Variants in EXOC2 observed in about 807,000 individuals in gnomAD.
The protein encoded by EXOC2 is exocyst complex component 2.
Under a neutral mutation model 131.8 loss-of-function variants are expected in EXOC2, and 70 were observed. The observed-to-expected ratio is 0.53, with a 90% confidence interval of 0.44 to 0.65. The LOEUF (loss-of-function observed/expected upper bound fraction) is 0.65. Ranked by LOEUF, EXOC2 falls within the 30% of genes least tolerant of loss-of-function variation. The pLI is 0.00. For missense variants in EXOC2, 923 were observed against 1,108.6 expected (o/e 0.83, Z 2.38); for synonymous variants, 411 against 398.4 (o/e 1.03, Z -0.38).
intron 13 of EXOC2, among the ~76,000 whole-genome samples, chr6:570,029 A>G (rs1428509251): frequency 6.6e-6 from 1 of 152,236 alleles, no homozygotes; most frequent in Non-Finnish European, 1.5e-5. Flanking sequence ...ACTACTGTCC[A>G]TGTGTGGTGG....
intron 21 of EXOC2, among the ~76,000 whole-genome samples, chr6:549,592 A>T (rs572733983): frequency 5.2e-5 from 8 of 152,382 alleles, no homozygotes; most frequent in African/African-American, 1.9e-4. Context: ...ATCAGCTGGG[A>T]ACTGGGATCA....
intron 11 of EXOC2, among the ~76,000 whole-genome samples, chr6:586,447 T>A (rs762154771): frequency 6.6e-6 from 1 of 152,214 alleles, no homozygotes; most frequent in Non-Finnish European, 1.5e-5. Context: ...TTTATTTACA[T>A]TGCACATATA....
At chr6:637,391 G>A (rs1762151265) in intron 2 of EXOC2, among the ~76,000 whole-genome samples, 1 of 152,158 alleles carries the variant, frequency 6.6e-6, no homozygotes, top group African/African-American at 2.4e-5. Flanking sequence ...AAACTAATGA[G>A]AGCAAAACTA....
chr6:623,727 C>G (rs1399069979), intron 4 of EXOC2, among the ~76,000 whole-genome samples: 1 of 152,194 alleles, frequency 6.6e-6, no homozygotes, highest in African/African-American at 2.4e-5. Flanking sequence ...TGTCATATTC[C>G]CCCTGCTCTT....
At chr6:547,658 A>G in intron 22 of EXOC2, among the ~76,000 whole-genome samples, 1 of 152,230 alleles carries the variant, frequency 6.6e-6, no homozygotes, top group Non-Finnish European at 1.5e-5. Flanking sequence ...AATCAGTGCA[A>G]ATGTTATCAT....
At chr6:554,590 A>G (rs1477188997) in intron 20 of EXOC2, among the ~76,000 whole-genome samples, 1 of 152,234 alleles carries the variant, frequency 6.6e-6, no homozygotes, top group Non-Finnish European at 1.5e-5. Flanking sequence ...CAAAACCAGT[A>G]AATAGACAAA....
rs1357029788 is a variant in EXOC2, at chr6:637,812, G to A, written c.7C>T (p.Arg3Ter). MS[R>*]SRQPPLVTGI... Reference sequence around the variant, plus strand: ...GTCACAAGGGGGGGTTGTCGTGATCGAGACATTGTGCTTTGTGGAGCAAAC... The same window carrying A: ...GTCACAAGGGGGGGTTGTCGTGATCAAGACATTGTGCTTTGTGGAGCAAAC... Residue 3 changes from arginine (R) to a stop codon, truncating the protein, a stop_gained, in exon 2 of 28, where the codon CGA (arginine) becomes TGA (stop). Transcript: ENST00000230449. LOFTEE classifies it high-confidence loss of function. 2.5e-6 allele frequency: 4 copies of A among 1,613,528 alleles called. No individual in the cohort carries two copies. The highest frequency in any genetic ancestry group is 2.2e-5 in the East Asian group (1 of 44,856).
chr6:661,681 C>G (rs2127761312), intron 1 of EXOC2, among the ~76,000 whole-genome samples: 1 of 152,254 alleles, frequency 6.6e-6, no homozygotes, highest in East Asian at 1.9e-4. Context: ...CAAAACAGAA[C>G]CTCTTTAAAG....
At chr6:592,770 A>G (rs779495110) in intron 10 of EXOC2, among the ~76,000 whole-genome samples, 183 bp from the exon 11 acceptor site, 9 of 152,228 alleles carry the variant, frequency 5.9e-5, no homozygotes, top group Non-Finnish European at 1.2e-4. Context: ...TCCTGCCTGT[A>G]ATCCCAGCAC....
At chr6:605,252 C>A (rs904955237) in intron 7 of EXOC2, among the ~76,000 whole-genome samples, 2 of 152,184 alleles carry the variant, frequency 1.3e-5, no homozygotes, top group African/African-American at 2.4e-5. Context: ...TCCAGCAAGA[C>A]CATCTAATAA....
intron 17 of EXOC2, 106 bp downstream of exon 17, chr6:562,678 C>T: frequency 1.5e-6 from 1 of 651,878 alleles, no homozygotes; most frequent in Non-Finnish European, 2.3e-6. Context: ...GCTTCTATTT[C>T]TATTTAGAGC....
chr6:559,178 C>T (rs758186114), intron 17 of EXOC2, among the ~76,000 whole-genome samples: 14 of 152,128 alleles, frequency 9.2e-5, no homozygotes, highest in Non-Finnish European at 1.9e-4. Flanking sequence ...GAGGCAGAAA[C>T]CATTTTCAGC....
intron 22 of EXOC2, among the ~76,000 whole-genome samples, chr6:548,600 T>C (rs1366175641): frequency 7.2e-5 from 11 of 152,164 alleles, no homozygotes; most frequent in Non-Finnish European, 1.5e-4. Flanking sequence ...CGTGCAGTGA[T>C]TGGAGAGTGG....
chr6:532,410 C>A, intron 23 of EXOC2, 59 bp downstream of exon 23: 13 of 1,379,296 alleles, frequency 9.4e-6, no homozygotes, highest in Non-Finnish European at 1.1e-5. Flanking sequence ...AGAATTCAAG[C>A]AAGTATCAAT....
At chr6:686,237 C>G (rs1764649396) in intron 1 of EXOC2, among the ~76,000 whole-genome samples, 1 of 151,664 alleles carries the variant, frequency 6.6e-6, no homozygotes, top group South Asian at 2.1e-4. Context: ...GCTGGGATTA[C>G]AGGTGTGAGC....
intron 1 of EXOC2, among the ~76,000 whole-genome samples, chr6:658,645 T>TTATATATATATATATATATA (rs373868934): frequency 3.4e-5 from 4 of 118,346 alleles, no homozygotes; most frequent in African/African-American, 1.2e-4. Flanking sequence ...TATATATATT[T>TTATATATATATATATATATA]TATATATATA....
intron 21 of EXOC2, among the ~76,000 whole-genome samples, chr6:550,334 T>C (rs1581417908): frequency 6.6e-6 from 1 of 152,260 alleles, no homozygotes; most frequent in Non-Finnish European, 1.5e-5. Context: ...TCCTTGAATT[T>C]AGTCACCAAG....
At chr6:567,778 G>C (rs1030899241) in intron 13 of EXOC2, among the ~76,000 whole-genome samples, 1 of 152,176 alleles carries the variant, frequency 6.6e-6, no homozygotes, top group Admixed American at 6.5e-5. Context: ...TGATCACCTA[G>C]GGTTAGGGTT....
intron 7 of EXOC2, among the ~76,000 whole-genome samples, chr6:599,568 A>C (rs1250908260): frequency 6.6e-6 from 1 of 152,116 alleles, no homozygotes; most frequent in Non-Finnish European, 1.5e-5. Context: ...CAATAGGGTA[A>C]AACACACACA....
Sources: allele counts gnomAD v4.1 joint callset (sites outside exome capture counted in the v4.1 genomes callset), GRCh38; gene constraint gnomAD v4.1.1; transcripts MANE v1.5; gene names NCBI Gene and HGNC (gene_info 2026-07-23, HGNC 2026-07-21).